The following MKLN1 variants were observed in gnomAD, a reference collection of about 807,000 sequenced individuals.
The protein encoded by MKLN1 is muskelin 1.
In MKLN1, 18 loss-of-function variants were observed where a neutral mutation model predicts 99.0. The ratio of observed to expected loss-of-function variants is 0.18; its 90% CI spans 0.13 to 0.27. The LOEUF is 0.27. MKLN1 is among the 10% of genes least tolerant of loss of function. The pLI, the probability that MKLN1 is intolerant of heterozygous loss-of-function variation, is 1.00. For synonymous variants in MKLN1, 288 were observed against 293.2 expected (o/e 0.98, Z 0.18); for missense variants, 621 against 875.9 (o/e 0.71, Z 3.67).
chr7:131,460,257 T>A (rs1394771120), intron 12 of MKLN1, among the ~76,000 whole-genome samples: 3 of 152,228 alleles, frequency 2.0e-5, no homozygotes, highest in Non-Finnish European at 4.4e-5. Context: ...TCTTTTACAC[T>A]GTTAATTTTT....
chr7:131,378,892 T>TC (rs1793753550), intron 2 of MKLN1, among the ~76,000 whole-genome samples: 2 of 151,984 alleles, frequency 1.3e-5, no homozygotes, highest in East Asian at 3.9e-4. Flanking sequence ...CTTTTTTTTT[T>TC]TTTTTTTGGA....
At chr7:131,389,561 GTATT>G (rs903370513) in intron 4 of MKLN1, among the ~76,000 whole-genome samples, 41 of 152,120 alleles carry the variant, frequency 2.7e-4, no homozygotes, top group African/African-American at 9.9e-4. Context: ...CTTAAGGCAT[GTATT>G]TATTTAGCAA....
chr7:131,207,549 G>GGA (rs1229232060), intron 3 of MKLN1, among the ~76,000 whole-genome samples: 1 of 152,120 alleles, frequency 6.6e-6, no homozygotes, highest in African/African-American at 2.4e-5. Context: ...CAGGCATTTT[G>GGA]GAGCATGTGG....
chr7:131,325,839 T>C (rs1450247632), upstream of MKLN1, among the ~76,000 whole-genome samples: 7 of 146,876 alleles, frequency 4.8e-5, no homozygotes, highest in Non-Finnish European at 8.9e-5. Context: ...ACAAGGACTC[T>C]ATGGGAACAA....
chr7:131,314,480 T>C (rs1037451962), intron 3 of MKLN1, among the ~76,000 whole-genome samples: 4 of 152,162 alleles, frequency 2.6e-5, no homozygotes, highest in African/African-American at 9.7e-5. Context: ...TGGAATGCAG[T>C]GGTACGATCT....
intron 3 of MKLN1, among the ~76,000 whole-genome samples, chr7:131,209,017 C>T (rs1486541542): frequency 2.0e-5 from 3 of 152,132 alleles, no homozygotes; most frequent in African/African-American, 7.2e-5. Flanking sequence ...ACAGTGATCT[C>T]AATGACAGGG....
chr7:131,250,028 G>A (rs924078088), intron 3 of MKLN1, among the ~76,000 whole-genome samples: 1 of 152,206 alleles, frequency 6.6e-6, no homozygotes, highest in Non-Finnish European at 1.5e-5. Flanking sequence ...CATGAAGTAC[G>A]AGGACCACTT....
At chr7:131,199,373 G>A (rs62472635) in intron 2 of MKLN1, among the ~76,000 whole-genome samples, 5,421 of 151,958 alleles carry the variant, frequency 0.036, 141 homozygotes, top group Non-Finnish European at 0.055. Context: ...TCCTGCTTCC[G>A]AAGTAGCTGA....
At chr7:131,252,773 T>G (rs1263024596) in intron 3 of MKLN1, among the ~76,000 whole-genome samples, 1 of 152,214 alleles carries the variant, frequency 6.6e-6, no homozygotes, top group Non-Finnish European at 1.5e-5. Context: ...TGGTTTATTT[T>G]GATTAGTGTC....
intron 12 of MKLN1, among the ~76,000 whole-genome samples, chr7:131,451,205 A>G (rs1796166801): frequency 6.6e-6 from 1 of 152,182 alleles, no homozygotes; most frequent in African/African-American, 2.4e-5. Context: ...TTTATCCATT[A>G]TGTAGATGCT....
chr7:131,341,544 G>C (rs1023776697), intron 1 of MKLN1, among the ~76,000 whole-genome samples: 1 of 152,098 alleles, frequency 6.6e-6, no homozygotes, highest in African/African-American at 2.4e-5. Context: ...TAAGTATTCT[G>C]TTGTATCGAT....
At chr7:131,245,393 G>A (rs969749828) in intron 3 of MKLN1, among the ~76,000 whole-genome samples, 1 of 149,264 alleles carries the variant, frequency 6.7e-6, no homozygotes, top group Non-Finnish European at 1.5e-5. Context: ...TCAGCCTCCC[G>A]AGTAGCTGGG....
chr7:131,145,397 T>TA (rs943676286), intron 2 of MKLN1, among the ~76,000 whole-genome samples: 32 of 151,714 alleles, frequency 2.1e-4, no homozygotes, highest in African/African-American at 5.6e-4. Context: ...GATGTAGCTT[T>TA]AAAAAAAAAT....
At chr7:131,400,165 TAAG>T (rs996410667) in intron 6 of MKLN1, among the ~76,000 whole-genome samples, 2 of 151,980 alleles carry the variant, frequency 1.3e-5, no homozygotes, top group African/African-American at 4.8e-5. Context: ...TAGGAAGAAA[TAAG>T]AAATAATAGA....
chr7:131,306,376 G>T (rs1178428943), intron 3 of MKLN1, among the ~76,000 whole-genome samples: 1 of 152,220 alleles, frequency 6.6e-6, no homozygotes, highest in Admixed American at 6.5e-5. Context: ...CGGCTCAGAA[G>T]AATACAGGAA....
chr7:131,327,639 G>A (rs189624541), upstream of MKLN1: 394 of 475,794 alleles, frequency 8.3e-4, no homozygotes, highest in African/African-American at 7.5e-3. Flanking sequence ...AAAGTCCTTT[G>A]CGCCATTCCC....
intron 3 of MKLN1, among the ~76,000 whole-genome samples, chr7:131,224,536 C>A (rs1797111647): frequency 6.6e-6 from 1 of 151,882 alleles, no homozygotes; most frequent in Non-Finnish European, 1.5e-5. Context: ...TAGAGCGAGA[C>A]TCCTTCTCAA....
chr7:131,387,795 G>A (rs1173506599), intron 3 of MKLN1, among the ~76,000 whole-genome samples: 2 of 152,208 alleles, frequency 1.3e-5, no homozygotes, highest in African/African-American at 4.8e-5. Context: ...CACCGGGAAT[G>A]AAGGTGTTAA....
chr7:131,409,228 T>A (rs1043130399), intron 6 of MKLN1, among the ~76,000 whole-genome samples: 3 of 152,170 alleles, frequency 2.0e-5, no homozygotes, highest in Non-Finnish European at 4.4e-5. Context: ...TTTGCTGAAT[T>A]ATATATCTAA....
Sources: allele counts gnomAD v4.1 joint callset (sites outside exome capture counted in the v4.1 genomes callset), GRCh38; gene constraint gnomAD v4.1.1; transcripts MANE v1.5; gene names NCBI Gene and HGNC (gene_info 2026-07-23, HGNC 2026-07-21).